Variants in PLA2G12B observed in about 807,000 individuals in gnomAD.
PLA2G12B encodes phospholipase A2 group XIIB.
Under a neutral mutation model 22.3 loss-of-function variants are expected in PLA2G12B, and 19 were observed. The observed-to-expected ratio is 0.85, with a 90% CI of 0.60 to 1.25. PLA2G12B has a LOEUF of 1.25. Ranked by LOEUF, PLA2G12B falls within the 50% of genes most tolerant of loss-of-function variation. PLA2G12B has a pLI of 0.00. For synonymous variants in PLA2G12B, 81 were observed against 94.9 expected, an observed-to-expected ratio of 0.85 and a Z score of 0.85; for missense variants, 191 against 246.6, an observed-to-expected ratio of 0.77 and a Z score of 1.51.
chr10:72,941,361 G>T (rs1256050620), intron 2 of PLA2G12B, 27 bp from the exon 3 acceptor site: 3 of 1,604,682 alleles, frequency 1.9e-6, no homozygotes, highest in African/African-American at 2.7e-5. Context: ...GAAGGGAAAA[G>T]AAGGGGAAGA....
rs773645424 is a variant in PLA2G12B, at chr10:72,954,632, C to T, written c.54G>A (p.Leu18=). The T allele has an allele frequency of 1.9e-6, 3 of 1,614,152 alleles. No homozygotes were observed. The highest frequency in any genetic ancestry group is 4.5e-5 in the East Asian group (2 of 44,876). The part of the protein sequence containing the change: ...LVLWLSLGGG[L]AQSDTSPDTE... Reference sequence around the variant, plus strand: ...TGTCAGGGCTCGTGTCGCTCTGAGCCAGGCCACCCCCAAGGCTGAGCCACA... The same window carrying T: ...TGTCAGGGCTCGTGTCGCTCTGAGCTAGGCCACCCCCAAGGCTGAGCCACA... Residue 18 remains leucine (L), a synonymous_variant, in exon 1 of 4, where the codon CTG becomes CTA. Transcript: ENST00000373032.
intron 3 of PLA2G12B, among the ~76,000 whole-genome samples, chr10:72,940,801 A>G (rs1298947044): frequency 1.3e-5 from 2 of 152,154 alleles, no homozygotes; most frequent in African/African-American, 4.8e-5. Flanking sequence ...CTTAAGCCAA[A>G]CCAAGTGGTC....
chr10:72,951,865 G>A (rs1846536827), intron 1 of PLA2G12B, among the ~76,000 whole-genome samples: 1 of 152,120 alleles, frequency 6.6e-6, no homozygotes, highest in Admixed American at 6.5e-5. Context: ...TTGTGTGTTG[G>A]CATGAGAACA....
In PLA2G12B at chr10:72,954,483, C is replaced by T. The variant is rs1846584914; in HGVS notation, c.203G>A (p.Cys68Tyr). The change falls in exon 1 of 4, where the codon TGC becomes TAC. Residue 68 changes from cysteine to tyrosine, a missense_variant. Transcript: ENST00000373032. ...AGAAACCGCACACTCACCATATCGG[C>T]ACCTGTACTGACAGACTCCATTCTT... Reference protein sequence around the residue: ...GGKNGVCQYRCRYGKAPMPRP... With the variant: ...GGKNGVCQYRYRYGKAPMPRP... 1 of 1,614,222 alleles carries T rather than the reference C, an allele frequency of 6.2e-7. No homozygotes were observed. The highest frequency in any genetic ancestry group is 8.5e-7 in the Non-Finnish European group (1 of 1,180,044).
At chr10:72,940,537 C>G (rs191503719) in intron 3 of PLA2G12B, among the ~76,000 whole-genome samples, 1 of 151,500 alleles carries the variant, frequency 6.6e-6, no homozygotes, top group African/African-American at 2.4e-5. Context: ...CTGGGCATGG[C>G]GGCGGGTGCC....
At position 72,935,429 on chromosome 10, in the gene PLA2G12B, A is replaced by G. The variant is rs1459927243; in HGVS notation, c.*188T>C. 7.4e-6 allele frequency: 6 copies of G among 807,874 alleles called. No homozygotes were observed. The highest frequency in any genetic ancestry group is 5.3e-5 in the East Asian group (2 of 37,568). 50.0% of individuals were successfully genotyped at this position (807,874 alleles called of 1,614,324 possible). ...TGAAGAGTAGCTTTCAAACCACTCC[A>G]TGTCTTTTTTCAAATTTCCTCAAAG... On this transcript the variant is annotated 3_prime_UTR_variant, in exon 4 of 4. Transcript: ENST00000373032.
At position 72,948,709 on chromosome 10, in the gene PLA2G12B, G is replaced by GA. The variant is rs776860669; in HGVS notation, c.211+5765dup. On this transcript the variant is annotated intron_variant, in intron 1 of 3. Coordinates refer to ENST00000373032, the MANE Select transcript of PLA2G12B (RefSeq NM_032562.5). ...TGATTTAGCTATGGCTGCTGTCACA[G>GA]AAAAAACAGCAGAATACTGTTCTAA... Among the ~76,000 whole-genome samples the GA allele has an allele frequency of 3.3e-5, 5 of 152,202 alleles. No individual in the cohort carries two copies. In the East Asian group the frequency reaches 5.8e-4, roughly 18 times the overall value.
intron 1 of PLA2G12B, among the ~76,000 whole-genome samples, chr10:72,950,526 G>T (rs1476867053): frequency 6.6e-6 from 1 of 152,072 alleles, no homozygotes; most frequent in East Asian, 1.9e-4. Context: ...TGTTGCCCAG[G>T]CTGGAGTGCA....
In PLA2G12B at chr10:72,934,842, G is replaced by A. The variant is rs943197642; in HGVS notation, c.*775C>T. 1.3e-5 allele frequency among the ~76,000 whole-genome samples: 2 copies of A among 152,176 alleles called. No individual in the cohort carries two copies. The highest frequency in any genetic ancestry group is 4.8e-5 in the African/African-American group (2 of 41,440). ...GAATGGCCACTTGTCTCTCACTCCC[G>A]ACAGGCTGCAGGGACTTTTCCTAGC... is the stretch of plus-strand genomic sequence containing the variant. On this transcript the variant is annotated 3_prime_UTR_variant, in exon 4 of 4. Transcript: ENST00000373032.
intron 3 of PLA2G12B, among the ~76,000 whole-genome samples, chr10:72,938,012 G>C (rs1846304049): frequency 6.6e-6 from 1 of 151,666 alleles, no homozygotes; most frequent in South Asian, 2.1e-4. Context: ...TACTCAGGAG[G>C]CCAAGGCAGG....
At chr10:72,952,111 G>C (rs1238524583) in intron 1 of PLA2G12B, among the ~76,000 whole-genome samples, 3 of 152,172 alleles carry the variant, frequency 2.0e-5, no homozygotes, top group Non-Finnish European at 4.4e-5. Flanking sequence ...TAATTGATTT[G>C]GTGCCAGGTG....
At chr10:72,937,061 A>T (rs1346201943) in intron 3 of PLA2G12B, among the ~76,000 whole-genome samples, 69 of 152,130 alleles carry the variant, frequency 4.5e-4, no homozygotes, top group Non-Finnish European at 1.3e-4. Flanking sequence ...AATACAAAAA[A>T]TTAGCCAGGC....
chr10:72,943,862 T>A (rs983067288), intron 1 of PLA2G12B, among the ~76,000 whole-genome samples: 1 of 152,236 alleles, frequency 6.6e-6, no homozygotes, highest in Non-Finnish European at 1.5e-5. Context: ...TCACCACATA[T>A]CTGCCTCTTT....
At chr10:72,951,779 A>G (rs964937449) in intron 1 of PLA2G12B, among the ~76,000 whole-genome samples, 3 of 152,162 alleles carry the variant, frequency 2.0e-5, no homozygotes, top group Admixed American at 1.3e-4. Context: ...CCTTAATAAC[A>G]GTTGTGCTAG....
chr10:72,943,432 C>T (rs117471448), intron 1 of PLA2G12B, among the ~76,000 whole-genome samples: 1,772 of 152,140 alleles, frequency 0.012, 21 homozygotes, highest in Non-Finnish European at 0.018. Flanking sequence ...TTAAGGAATC[C>T]GAATTGTAGC....
At chr10:72,947,133 C>T (rs1846454531) in intron 1 of PLA2G12B, among the ~76,000 whole-genome samples, 1 of 152,124 alleles carries the variant, frequency 6.6e-6, no homozygotes, top group Admixed American at 6.6e-5. Context: ...CTATGTTGCC[C>T]AGGCTGGTCT....
At chr10:72,951,452 CTT>C (rs71482537) in intron 1 of PLA2G12B, among the ~76,000 whole-genome samples, 5,092 of 116,820 alleles carry the variant, frequency 0.044, 233 homozygotes, top group African/African-American at 0.2. Flanking sequence ...GCACAGACTC[CTT>C]TTTTTTTTTT....
At position 72,950,939 on chromosome 10, in the gene PLA2G12B, G is replaced by A. The variant is rs893303819; in HGVS notation, c.211+3536C>T. Among the ~76,000 whole-genome samples the A allele has an allele frequency of 4.6e-5, 7 of 152,324 alleles. No individual in the cohort carries two copies. In the East Asian group the frequency reaches 1.3e-3, roughly 29 times the overall value. On this transcript the variant is annotated intron_variant, in intron 1 of 3. Coordinates refer to ENST00000373032, the MANE Select transcript of PLA2G12B (RefSeq NM_032562.5). The stretch of plus-strand genomic sequence containing the variant: ...AACTCTTCAGTCGTTGTTCCCTCGA[G>A]GGACTTCTTCCGGAAGCTGAGAGGC...
chr10:72,948,850 T>C (rs1846482776), intron 1 of PLA2G12B, among the ~76,000 whole-genome samples: 1 of 152,198 alleles, frequency 6.6e-6, no homozygotes, highest in Non-Finnish European at 1.5e-5. Context: ...TGAAATACCA[T>C]AAAAGTCTTA....
Sources: gnomAD v4.1 joint callset for allele counts (sites outside exome capture counted in the v4.1 genomes callset) on GRCh38, gnomAD v4.1.1 for gene constraint, MANE v1.5 for transcripts, NCBI Gene and HGNC (gene_info 2026-07-23, HGNC 2026-07-21) for gene names.